Variants in PTPRT observed in about 807,000 individuals in gnomAD.
PTPRT encodes protein tyrosine phosphatase receptor type T, also known as receptor-type tyrosine-protein phosphatase T.
A neutral mutation model predicts 176.8 loss-of-function variants in PTPRT; 56 were observed. That is an observed-to-expected ratio of 0.32 (90% CI 0.26 to 0.40). The LOEUF (loss-of-function observed/expected upper bound fraction) is 0.40, where lower values mean the gene tolerates loss of function less well. Among genes scored for constraint, PTPRT ranks in the 10% least tolerant of loss-of-function variants. PTPRT has a pLI of 1.00. For missense variants in PTPRT, 1,540 were observed against 1,908.2 expected (o/e 0.81, Z 3.60); for synonymous variants, 783 against 739.0 (o/e 1.06, Z -0.96).
intron 2 of PTPRT, among the ~76,000 whole-genome samples, chr20:42,859,902 G>GTTTTCATATCAAA (rs1192718258): frequency 9.9e-5 from 15 of 151,706 alleles, no homozygotes; most frequent in African/African-American, 3.4e-4. Flanking sequence ...AGTTTGATAT[G>GTTTTCATATCAAA]GATATTTTCA....
At chr20:43,111,451 G>A (rs74171223) in intron 1 of PTPRT, among the ~76,000 whole-genome samples, 7,228 of 151,690 alleles carry the variant, frequency 0.048, 236 homozygotes, top group Non-Finnish European at 0.071. Context: ...GGCTGAGGCA[G>A]GAGAACCTCT....
At chr20:43,175,013 T>A (rs941392422) in intron 1 of PTPRT, among the ~76,000 whole-genome samples, 37 of 152,212 alleles carry the variant, frequency 2.4e-4, no homozygotes, top group Admixed American at 1.5e-3. Flanking sequence ...GATGCCCAAG[T>A]TCACAGCATC....
At chr20:42,627,463 G>A (rs1569030411) in intron 7 of PTPRT, among the ~76,000 whole-genome samples, 2 of 151,812 alleles carry the variant, frequency 1.3e-5, no homozygotes, top group South Asian at 2.1e-4. Context: ...GTAGAGATGA[G>A]GTCTCACTGT....
intron 11 of PTPRT, among the ~76,000 whole-genome samples, chr20:42,346,341 T>G (rs948739931): frequency 6.6e-6 from 1 of 152,174 alleles, no homozygotes; most frequent in African/African-American, 2.4e-5. Context: ...TACTTTCTTA[T>G]GAAGGTTAGT....
chr20:43,142,254 G>C (rs2146402609), intron 1 of PTPRT, among the ~76,000 whole-genome samples: 1 of 152,340 alleles, frequency 6.6e-6, no homozygotes, highest in South Asian at 2.1e-4. Context: ...TGACAGATGT[G>C]AGCAGGAGGC....
chr20:42,291,644 A>T (rs2057318124), intron 12 of PTPRT, among the ~76,000 whole-genome samples: 1 of 152,134 alleles, frequency 6.6e-6, no homozygotes, highest in Non-Finnish European at 1.5e-5. Context: ...AGTTAGACAC[A>T]GGAAGCATCA....
At chr20:42,934,825 T>C (rs1358645766) in intron 1 of PTPRT, among the ~76,000 whole-genome samples, 1 of 151,986 alleles carries the variant, frequency 6.6e-6, no homozygotes, top group East Asian at 1.9e-4. Flanking sequence ...TCCCAGCACT[T>C]TGGGAGACCA....
intron 15 of PTPRT, among the ~76,000 whole-genome samples, chr20:42,227,872 G>A (rs944626543): frequency 3.9e-5 from 6 of 152,036 alleles, no homozygotes; most frequent in Non-Finnish European, 8.8e-5. Flanking sequence ...GCCTCCCAAA[G>A]TGCTGGGATT....
At chr20:42,109,489 T>C (rs1374416208) in intron 23 of PTPRT, among the ~76,000 whole-genome samples, 1 of 152,196 alleles carries the variant, frequency 6.6e-6, no homozygotes, top group Admixed American at 6.5e-5. Context: ...AAATATCTCT[T>C]CTTCATAATA....
intron 2 of PTPRT, among the ~76,000 whole-genome samples, chr20:42,879,758 C>T (rs993816762): frequency 6.2e-4 from 87 of 139,730 alleles, no homozygotes; most frequent in African/African-American, 2.1e-3. Context: ...TGTGTGTGTG[C>T]GCGTGTGTGT....
intron 7 of PTPRT, among the ~76,000 whole-genome samples, chr20:42,626,720 G>C (rs937408384): frequency 6.6e-6 from 1 of 152,274 alleles, no homozygotes; most frequent in Admixed American, 6.5e-5. Flanking sequence ...GGGTCAGGTG[G>C]AATCCATCAT....
intron 1 of PTPRT, among the ~76,000 whole-genome samples, chr20:43,082,917 C>T (rs910269945): frequency 1.3e-5 from 2 of 152,022 alleles, no homozygotes; most frequent in African/African-American, 4.8e-5. Context: ...ATGGCCTAAC[C>T]GACCACCTGC....
intron 9 of PTPRT, among the ~76,000 whole-genome samples, chr20:42,357,165 C>G (rs185957057): frequency 7.2e-4 from 109 of 152,314 alleles, no homozygotes; most frequent in African/African-American, 2.5e-3. Flanking sequence ...AAGTCAAATT[C>G]AATCTACCAT....
At chr20:42,453,037 T>G (rs934941033) in intron 8 of PTPRT, among the ~76,000 whole-genome samples, 1 of 152,226 alleles carries the variant, frequency 6.6e-6, no homozygotes, top group Non-Finnish European at 1.5e-5. Flanking sequence ...TTTCACTAAG[T>G]TGTAGCTTTT....
At chr20:42,890,715 GC>G (rs1302182934) in intron 1 of PTPRT, among the ~76,000 whole-genome samples, 1 of 152,124 alleles carries the variant, frequency 6.6e-6, no homozygotes, top group African/African-American at 2.4e-5. Flanking sequence ...ACCAAAACAG[GC>G]CCCAGACGTT....
At chr20:42,737,074 T>C (rs1569122748) in intron 6 of PTPRT, among the ~76,000 whole-genome samples, 1 of 152,160 alleles carries the variant, frequency 6.6e-6, no homozygotes, top group South Asian at 2.1e-4. Flanking sequence ...ACCAGAAAGA[T>C]ATGTTCAACA....
intron 2 of PTPRT, among the ~76,000 whole-genome samples, chr20:42,837,360 T>C (rs189410249): frequency 1.7e-4 from 26 of 152,300 alleles, no homozygotes; most frequent in African/African-American, 6.0e-4. Flanking sequence ...GGAAAGCAGG[T>C]ATCTGGCCTC....
intron 1 of PTPRT, among the ~76,000 whole-genome samples, chr20:43,163,432 A>T (rs892128894): frequency 6.6e-6 from 1 of 152,140 alleles, no homozygotes; most frequent in African/African-American, 2.4e-5. Context: ...AGGTCACGAG[A>T]TCAAGACCAT....
intron 5 of PTPRT, among the ~76,000 whole-genome samples, chr20:42,757,469 C>T (rs115252139): frequency 0.01 from 1,560 of 152,274 alleles, 32 homozygotes; most frequent in African/African-American, 0.036. Flanking sequence ...ACCTCTCTTC[C>T]TTGGCACATG....
Sources: gnomAD v4.1 joint callset for allele counts (sites outside exome capture counted in the v4.1 genomes callset) on GRCh38, gnomAD v4.1.1 for gene constraint, MANE v1.5 for transcripts, NCBI Gene and HGNC (gene_info 2026-07-23, HGNC 2026-07-21) for gene names.